The following ZCCHC17 variants were observed in gnomAD, a reference collection of about 807,000 sequenced individuals.
ZCCHC17 encodes the protein zinc finger CCHC-type containing 17.
ZCCHC17 carries 18 observed loss-of-function variants against 30.6 expected under a neutral mutation model. The observed-to-expected ratio is 0.59, with a 90% CI of 0.41 to 0.87. The LOEUF (loss-of-function observed/expected upper bound fraction) is 0.87. Among genes scored for constraint, ZCCHC17 ranks in the 40% least tolerant of loss-of-function variants. The pLI, the probability that ZCCHC17 is intolerant of heterozygous loss-of-function variation, is 0.00. For synonymous variants in ZCCHC17, 88 were observed against 92.4 expected, an observed-to-expected ratio of 0.95 and a Z score of 0.27; for missense variants, 263 against 284.2, an observed-to-expected ratio of 0.93 and a Z score of 0.54.
intron 5 of ZCCHC17, among the ~76,000 whole-genome samples, chr1:31,346,324 G>T (rs192856373): frequency 6.6e-6 from 1 of 152,300 alleles, no homozygotes; most frequent in African/African-American, 2.4e-5. Flanking sequence ...ATTTGGAGCT[G>T]ATTTTCTAGA....
rs71278777 is a variant in ZCCHC17, at chr1:31,344,862, G to GTTGTTTGTTTGTTTGTTTGT, written c.318-1764_318-1763insGTTTGTTTGTTTGTTTGTTT. Among the ~76,000 whole-genome samples, 746 of 150,594 alleles carry GTTGTTTGTTTGTTTGTTTGT rather than the reference G, an allele frequency of 5.0e-3. 9 individuals carry two copies. Among genetic ancestry groups the GTTGTTTGTTTGTTTGTTTGT allele is most frequent in the African/African-American group, 0.015 (605 of 41,002 alleles). On this transcript the variant is annotated intron_variant, in intron 5 of 7. Coordinates refer to ENST00000344147, the MANE Select transcript of ZCCHC17 (RefSeq NM_016505.4). ...CTGCCTTTGTTATGGGTTTTTTTTTGTTGTTTGTTTGTTTTGGAGACAGGG... is the reference window on the plus strand; with the variant it reads ...CTGCCTTTGTTATGGGTTTTTTTTTGTTGTTTGTTTGTTTGTTTGTTTGTTTGTTTGTTTTGGAGACAGGG...
chr1:31,300,380 C>T (rs540711649), intron 1 of ZCCHC17, among the ~76,000 whole-genome samples: 11 of 152,268 alleles, frequency 7.2e-5, no homozygotes, highest in African/African-American at 2.6e-4. Flanking sequence ...TGCTTTAGCA[C>T]TTATCACATT....
At chr1:31,328,080 A>G (rs1430161151) in intron 3 of ZCCHC17, among the ~76,000 whole-genome samples, 4 of 152,238 alleles carry the variant, frequency 2.6e-5, no homozygotes, top group African/African-American at 9.6e-5. Context: ...TGTGTGTGAA[A>G]TTGTGAAGAA....
chr1:31,361,605 A>G (rs1197152363), intron 7 of ZCCHC17, among the ~76,000 whole-genome samples: 2 of 152,184 alleles, frequency 1.3e-5, no homozygotes, highest in African/African-American at 2.4e-5. Context: ...TCCTGTTACC[A>G]TACAGAAAGA....
chr1:31,346,033 T>G (rs1315569592), intron 5 of ZCCHC17, among the ~76,000 whole-genome samples: 1 of 152,146 alleles, frequency 6.6e-6, no homozygotes, highest in Non-Finnish European at 1.5e-5. Flanking sequence ...ACAAAGAGAT[T>G]AATTCTGTCT....
chr1:31,310,981 T>A (rs1646587509), intron 2 of ZCCHC17, among the ~76,000 whole-genome samples: 1 of 152,242 alleles, frequency 6.6e-6, no homozygotes, highest in Non-Finnish European at 1.5e-5. Flanking sequence ...GTTAAAACTC[T>A]CTATCTCTTG....
At chr1:31,325,244 A>G (rs563713000) in intron 3 of ZCCHC17, among the ~76,000 whole-genome samples, 2 of 152,310 alleles carry the variant, frequency 1.3e-5, no homozygotes, top group Non-Finnish European at 2.9e-5. Context: ...GAGCTGTACC[A>G]TCACTCAATA....
chr1:31,331,195 G>A, intron 3 of ZCCHC17, among the ~76,000 whole-genome samples: 1 of 151,738 alleles, frequency 6.6e-6, no homozygotes, highest in Non-Finnish European at 1.5e-5. Flanking sequence ...TGGCTGGAGT[G>A]CATTTGCATG....
rs559024171 is a variant in ZCCHC17, at chr1:31,358,033, C to T, written c.565-5999C>T. Among the ~76,000 whole-genome samples, 106 of 152,072 alleles carry T rather than the reference C, an allele frequency of 7.0e-4. 1 individual carries two copies. The South Asian group carries it at 0.013, about 19-fold the overall frequency. On this transcript the variant is annotated intron_variant, in intron 7 of 7. Transcript: ENST00000344147. ...CCTCCCAAAATGCTGGGATTACAGGCGTGAGCCACCGCGCCTGGCCTGGGC... is the reference window on the plus strand; with the variant it reads ...CCTCCCAAAATGCTGGGATTACAGGTGTGAGCCACCGCGCCTGGCCTGGGC...
At chr1:31,317,024 C>CTTT (rs1196920105) in intron 2 of ZCCHC17, among the ~76,000 whole-genome samples, 6 of 126,534 alleles carry the variant, frequency 4.7e-5, no homozygotes, top group African/African-American at 1.5e-4. Context: ...AACTTTTTTT[C>CTTT]TTTTTTTTTT....
Position 31,337,205 on chromosome 1 carries a change from G to A in ZCCHC17, c.155G>A (p.Cys52Tyr), listed in dbSNP as rs373526510. Residue 52 changes from cysteine to tyrosine, a missense_variant, in exon 4 of 8, where the codon TGT (cysteine) becomes TAT (tyrosine). Physicochemically the swap from Cys to Tyr is radical, Grantham distance 194. Coordinates refer to ENST00000344147, the MANE Select transcript of ZCCHC17 (RefSeq NM_016505.4). ...GTCCATCGAACTCATATGTCATCCT[G>A]TCGGGTGGATAAGCCCTCTGAGATA... ...GLVHRTHMSS[C>Y]RVDKPSEIVD... 8 of 1,613,914 alleles carry A rather than the reference G, an allele frequency of 5.0e-6. No homozygotes were observed. Among genetic ancestry groups the A allele is most frequent in the South Asian group, 2.2e-5 (2 of 91,076 alleles).
intron 7 of ZCCHC17, among the ~76,000 whole-genome samples, chr1:31,351,836 T>G (rs1639480725): frequency 6.6e-6 from 1 of 152,160 alleles, no homozygotes; most frequent in Non-Finnish European, 1.5e-5. Flanking sequence ...AATGTTGGAG[T>G]GTTCCAAGGG....
Position 31,337,245 on chromosome 1 carries a change from T to G in ZCCHC17, c.195T>G (p.Asp65Glu). Residue 65 changes from aspartate to glutamate, a missense_variant, in exon 4 of 8, where the codon GAT becomes GAG. Asp to Glu is a conservative substitution (Grantham distance 45). Coordinates refer to ENST00000344147, the MANE Select transcript of ZCCHC17 (RefSeq NM_016505.4). ...DKPSEIVDVG[D>E]KVWVKLIGRE... is the part of the protein sequence containing the mutation. ...CCTCTGAGATAGTAGATGTTGGAGA[T>G]AAAGTGTGGGTGAAGCTTATTGGCC... 6.2e-7 allele frequency: 1 copy of G among 1,614,090 alleles called. No homozygotes were observed. The highest frequency in any genetic ancestry group is 8.5e-7 in the Non-Finnish European group (1 of 1,179,960).
intron 2 of ZCCHC17, among the ~76,000 whole-genome samples, chr1:31,317,391 A>G (rs1646762533): frequency 6.6e-6 from 1 of 152,130 alleles, no homozygotes; most frequent in Non-Finnish European, 1.5e-5. Flanking sequence ...TCAGTGTCTT[A>G]GACTGTAAAT....
chr1:31,337,037 C>T (rs1569862364), intron 3 of ZCCHC17, 138 bp from the exon 4 acceptor site: 24 of 664,394 alleles, frequency 3.6e-5, no homozygotes, highest in Non-Finnish European at 5.5e-5. Context: ...TCTCAATTTG[C>T]AGTTTTAAGT....
chr1:31,335,738 GATAGTGACTTC>G (rs1302420026), intron 3 of ZCCHC17, among the ~76,000 whole-genome samples: 3 of 152,170 alleles, frequency 2.0e-5, no homozygotes, highest in African/African-American at 7.2e-5. Context: ...GATAGCCATT[GATAGTGACTTC>G]CAAAAGTTTA....
At chr1:31,334,388 T>A (rs967453876) in intron 3 of ZCCHC17, among the ~76,000 whole-genome samples, 25 of 107,958 alleles carry the variant, frequency 2.3e-4, no homozygotes, top group South Asian at 1.3e-3. Flanking sequence ...TGTGTGTGTG[T>A]GAAAGAGAGA....
chr1:31,344,262 A>G (rs1479865938), intron 5 of ZCCHC17, among the ~76,000 whole-genome samples: 2 of 152,032 alleles, frequency 1.3e-5, no homozygotes, highest in African/African-American at 4.8e-5. Flanking sequence ...AAGTGCTGAG[A>G]GATTATAGGT....
intron 3 of ZCCHC17, among the ~76,000 whole-genome samples, chr1:31,330,221 G>A (rs1307350630): frequency 1.3e-5 from 2 of 152,324 alleles, no homozygotes; most frequent in Non-Finnish European, 1.5e-5. Flanking sequence ...TTGGGGTAAC[G>A]GTTTTAAGGG....
Sources: gnomAD v4.1 joint callset for allele counts (sites outside exome capture counted in the v4.1 genomes callset) on GRCh38, gnomAD v4.1.1 for gene constraint, MANE v1.5 for transcripts, NCBI Gene and HGNC (gene_info 2026-07-23, HGNC 2026-07-21) for gene names.